The following VSIR variants were observed in gnomAD, a reference collection of about 807,000 sequenced individuals.
VSIR encodes V-type immunoglobulin domain-containing suppressor of T-cell activation.
In VSIR, 10 loss-of-function variants were observed where a neutral mutation model predicts 31.0. The ratio of observed to expected loss-of-function variants is 0.32; its 90% CI spans 0.20 to 0.55. The LOEUF (loss-of-function observed/expected upper bound fraction) is 0.55, where lower values mean the gene tolerates loss of function less well. VSIR is among the 20% of genes least tolerant of loss of function. VSIR has a pLI of 0.93. For synonymous variants in VSIR, 179 were observed against 180.1 expected (o/e 0.99, Z 0.05); for missense variants, 356 against 416.2 (o/e 0.86, Z 1.26).
rs780960987 is a variant in VSIR, at chr10:71,755,483, G to A, written c.569-17C>T. On this transcript the variant is annotated splice_polypyrimidine_tract_variant and intron_variant, in intron 3 of 6. Coordinates refer to ENST00000394957, the MANE Select transcript of VSIR (RefSeq NM_022153.2). Reference sequence around the variant, plus strand: ...CCGTGATGTCTGAAAGGGCAGAGAGGTAGCCAAGGTGAAGCCCCATTCCCA... The same window carrying A: ...CCGTGATGTCTGAAAGGGCAGAGAGATAGCCAAGGTGAAGCCCCATTCCCA... 2.3e-5 allele frequency: 36 copies of A among 1,599,086 alleles called. No homozygotes were observed. Among genetic ancestry groups the A allele is most frequent in the Non-Finnish European group, 2.6e-6 (3 of 1,172,018 alleles).
In VSIR at chr10:71,755,389, A is replaced by C. The variant is rs771618871; in HGVS notation, c.646T>G (p.Tyr216Asp). The change falls in exon 4 of 7, where the codon TAC becomes GAC. Residue 216 changes from tyrosine (Y) to aspartate (D), a missense_variant. By Grantham distance (160) the Tyr-to-Asp change is radical. Around this residue, in one of 2 missense-constraint regions of VSIR, gnomAD observed 190 missense variants for 185.2 expected, o/e 1.03. Transcript: ENST00000394957. The stretch of plus-strand genomic sequence containing the variant: ...TTGGAGGCTGCCTGCCTTTGCTTGT[A>C]GACCAGGAGCAGGATGAGGGGGAGG... ...LCLPLILLLV[Y>D]KQRQAASNRR... The C allele has an allele frequency of 2.5e-6, 4 of 1,613,268 alleles. No homozygotes were observed. Among genetic ancestry groups the C allele is most frequent in the Non-Finnish European group, 2.5e-6 (3 of 1,179,780 alleles).
Position 71,764,409 on chromosome 10 carries a change from A to T in VSIR, c.83-2383T>A, listed in dbSNP as rs78363111. Among the ~76,000 whole-genome samples the T allele has an allele frequency of 7.0e-4, 106 of 152,332 alleles. 3 individuals are homozygous for T. In the East Asian group the frequency reaches 0.017, roughly 25 times the overall value. ...ACACATAGACACTATACTGATGAAA[A>T]AAAAGGCCAGAAACTGGGAGCCCAC... On this transcript the variant is annotated intron_variant, in intron 1 of 6. Transcript: ENST00000394957.
At chr10:71,763,750 G>A (rs1324408232) in intron 1 of VSIR, among the ~76,000 whole-genome samples, 1 of 152,222 alleles carries the variant, frequency 6.6e-6, no homozygotes, top group Admixed American at 6.5e-5. Flanking sequence ...CGAGTAGTCG[G>A]CGCTTGGTAC....
At chr10:71,761,021 C>T (rs535425747) in intron 2 of VSIR, 97 bp from the exon 3 acceptor site, 10 of 1,227,698 alleles carry the variant, frequency 8.1e-6, no homozygotes, top group Non-Finnish European at 1.1e-5. Context: ...CCCAGGTTCT[C>T]ACGCTAGTGC....
In VSIR at chr10:71,760,899, C is replaced by T. The variant is rs1389265713; in HGVS notation, c.537G>A (p.Val179=). The T allele has an allele frequency of 6.2e-7, 1 of 1,613,686 alleles. No homozygotes were observed. The highest frequency in any genetic ancestry group is 2.2e-5 in the East Asian group (1 of 44,894). The change falls in exon 3 of 7, where the codon GTG becomes GTA. Residue 179 remains valine (V), a synonymous_variant. Transcript: ENST00000394957. The stretch of plus-strand genomic sequence containing the variant: ...TATCCTGGGAGGAGGATGGGTACAC[C>T]ACACAGTTGGATGGTGCATCTTTGC... ...QTGKDAPSNC[V]VYPSSSQDSE...
At chr10:71,753,061 C>G (rs1353157239) in intron 4 of VSIR, 59 bp from the exon 5 acceptor site, 62 of 1,581,924 alleles carry the variant, frequency 3.9e-5, no homozygotes, top group Non-Finnish European at 5.3e-5. Flanking sequence ...CATACAACAT[C>G]CCTGCCCCTG....
chr10:71,761,970 C>T lies in VSIR; in HGVS notation c.139G>A (p.Gly47Arg), dbSNP rs772806957. The change falls in exon 2 of 7, where the codon GGG becomes AGG. Residue 47 changes from glycine (G) to arginine (R), a missense_variant. This residue lies in a region of VSIR where 166 missense variants were observed against 231.0 expected (regional missense o/e 0.72). Coordinates refer to ENST00000394957, the MANE Select transcript of VSIR (RefSeq NM_022153.2). Reference sequence around the variant, plus strand: ...CTGCAGGTGAGGGTGACGTTCTGCCCCTCGGGACAGACATACAGGGAATAC... The same window carrying T: ...CTGCAGGTGAGGGTGACGTTCTGCCTCTCGGGACAGACATACAGGGAATAC... Reference protein sequence around the residue: ...TPYSLYVCPEGQNVTLTCRLL... With the variant: ...TPYSLYVCPERQNVTLTCRLL... 1 of 1,613,726 alleles carries T rather than the reference C, an allele frequency of 6.2e-7. No individual in the cohort carries two copies. The highest frequency in any genetic ancestry group is 1.7e-4 in the Middle Eastern group (1 of 6,060).
chr10:71,754,317 G>A (rs1034176162), intron 4 of VSIR, among the ~76,000 whole-genome samples: 4 of 152,152 alleles, frequency 2.6e-5, no homozygotes, highest in African/African-American at 9.7e-5. Context: ...ACCCACTATG[G>A]GGCTTCACGT....
chr10:71,755,388 T>C lies in VSIR; in HGVS notation c.647A>G (p.Tyr216Cys), dbSNP rs745350944. The C allele has an allele frequency of 1.2e-6, 2 of 1,613,088 alleles. No homozygotes were observed. Among genetic ancestry groups the C allele is most frequent in the South Asian group, 1.1e-5 (1 of 90,952 alleles). ...GTTGGAGGCTGCCTGCCTTTGCTTGTAGACCAGGAGCAGGATGAGGGGGAG... is the reference window on the plus strand; with the variant it reads ...GTTGGAGGCTGCCTGCCTTTGCTTGCAGACCAGGAGCAGGATGAGGGGGAG... ...LCLPLILLLV[Y>C]KQRQAASNRR... Residue 216 changes from tyrosine to cysteine, a missense_variant, in exon 4 of 7, where the codon TAC (tyrosine) becomes TGC (cysteine). By Grantham distance (194) the Tyr-to-Cys change is radical (BLOSUM62 -2). Around this residue, in one of 2 missense-constraint regions of VSIR, gnomAD observed 190 missense variants for 185.2 expected, o/e 1.03. Transcript: ENST00000394957.
intron 3 of VSIR, among the ~76,000 whole-genome samples, chr10:71,759,047 T>G (rs1303388897): frequency 1.4e-5 from 2 of 146,780 alleles, no homozygotes; most frequent in African/African-American, 2.5e-5. Flanking sequence ...TTTTGGGTTG[T>G]TTTTTTTTTG....
intron 4 of VSIR, chr10:71,755,004 G>T: frequency 2.2e-6 from 1 of 450,632 alleles, no homozygotes; most frequent in South Asian, 1.6e-5. Flanking sequence ...TACAAAACAA[G>T]CACGCCCATA....
chr10:71,751,941 C>T lies in VSIR; in HGVS notation c.705-80G>A. 3.6e-6 allele frequency: 5 copies of T among 1,400,864 alleles called. No individual in the cohort carries two copies. The highest frequency in any genetic ancestry group is 4.9e-6 in the Non-Finnish European group (5 of 1,022,088). The allele number at this position is 1,400,864 out of a possible 1,614,324, so 86.8% of individuals were successfully genotyped here. ...CCCTCCCTGCCCCCAGTTTTTCTCT[C>T]CTCCCTTTCTCTCACCTACATCCCC... On this transcript the variant is annotated intron_variant, in intron 5 of 6. Coordinates refer to ENST00000394957, the MANE Select transcript of VSIR (RefSeq NM_022153.2). The surrounding 1 kb of genome is among the most constrained non-coding windows in gnomAD (Gnocchi z 4.9).
At chr10:71,768,165 CTGTTGT>C (rs754193241) in intron 1 of VSIR, among the ~76,000 whole-genome samples, 2 of 151,644 alleles carry the variant, frequency 1.3e-5, no homozygotes, top group Admixed American at 6.6e-5. Context: ...GGCTTTGTTG[CTGTTGT>C]TGTTGTTGTT....
chr10:71,770,298 C>G (rs1160570815), intron 1 of VSIR, among the ~76,000 whole-genome samples: 2 of 152,250 alleles, frequency 1.3e-5, no homozygotes, highest in Non-Finnish European at 2.9e-5. Context: ...GTGGTATCAT[C>G]TTCCCACTTT....
At chr10:71,767,873 G>A (rs1056014264) in intron 1 of VSIR, among the ~76,000 whole-genome samples, 7 of 152,208 alleles carry the variant, frequency 4.6e-5, no homozygotes, top group African/African-American at 1.7e-4. Context: ...CCTTGGGAAA[G>A]CCTCCGTGCA....
intron 1 of VSIR, among the ~76,000 whole-genome samples, chr10:71,762,431 T>C (rs777006597): frequency 7.2e-5 from 11 of 152,266 alleles, no homozygotes; most frequent in Non-Finnish European, 1.6e-4. Context: ...CCTCTGCCCC[T>C]TCCTACTCCT....
chr10:71,766,419 G>A (rs1292115824), intron 1 of VSIR, among the ~76,000 whole-genome samples: 3 of 152,240 alleles, frequency 2.0e-5, no homozygotes, highest in East Asian at 1.9e-4. Context: ...GAAGAGTGCC[G>A]TGAACCTGGG....
At chr10:71,761,403 T>C (rs1412201696) in intron 2 of VSIR, among the ~76,000 whole-genome samples, 195 bp downstream of exon 2, 1 of 151,760 alleles carries the variant, frequency 6.6e-6, no homozygotes, top group Admixed American at 6.6e-5. Context: ...ACACCCTCCC[T>C]CTCCATCACT....
intron 2 of VSIR, among the ~76,000 whole-genome samples, chr10:71,761,136 T>C (rs1342880942): frequency 6.6e-6 from 1 of 152,154 alleles, no homozygotes; most frequent in Non-Finnish European, 1.5e-5. Flanking sequence ...CAGGGGCATG[T>C]GAATACCCGC....
Sources: allele counts gnomAD v4.1 joint callset (sites outside exome capture counted in the v4.1 genomes callset), GRCh38; gene constraint gnomAD v4.1.1; regional missense constraint gnomAD v4.1.1; non-coding constraint Gnocchi (gnomAD v3.1); transcripts MANE v1.5; gene names NCBI Gene and HGNC (gene_info 2026-07-23, HGNC 2026-07-21).